The following TRHDE variants were observed in gnomAD, a reference collection of about 807,000 sequenced individuals.
TRHDE encodes the protein thyrotropin-releasing hormone-degrading ectoenzyme.
In TRHDE, 72 loss-of-function variants were observed where a neutral mutation model predicts 125.7. That is an observed-to-expected ratio of 0.57 (90% confidence interval 0.47 to 0.70). The LOEUF is 0.70. Ranked by LOEUF, TRHDE falls within the 30% of genes least tolerant of loss-of-function variation. The pLI is 0.00. For synonymous variants in TRHDE, 509 were observed against 509.1 expected (o/e 1.00, Z 0.00); for missense variants, 1,110 against 1,327.1 (o/e 0.84, Z 2.54).
At chr12:72,122,396 T>C (rs1468965461) in intron 2 of TRHDE, among the ~76,000 whole-genome samples, 3 of 152,148 alleles carry the variant, frequency 2.0e-5, no homozygotes, top group African/African-American at 7.2e-5. Context: ...TTTCTCCACA[T>C]AAGAATTTTA....
intron 2 of TRHDE, chr12:72,163,037 T>C (rs574183929): frequency 6.6e-6 from 1 of 152,264 alleles, no homozygotes; most frequent in South Asian, 2.1e-4. Flanking sequence ...GCTGTCATCT[T>C]TTGTAGCCTC....
chr12:72,335,889 A>T (rs560737530), intron 2 of TRHDE, among the ~76,000 whole-genome samples: 1 of 152,370 alleles, frequency 6.6e-6, no homozygotes, highest in East Asian at 1.9e-4. Context: ...CTGTTAAAGA[A>T]CATGAGGTTC....
At chr12:72,611,453 T>G (rs1872630263) in intron 12 of TRHDE, 1 of 152,124 alleles carries the variant, frequency 6.6e-6, no homozygotes, top group Admixed American at 6.5e-5. Flanking sequence ...CACCAGAGGG[T>G]GAATTCTGAA....
intron 2 of TRHDE, among the ~76,000 whole-genome samples, chr12:72,236,281 G>T (rs1878335738): frequency 6.6e-6 from 1 of 152,170 alleles, no homozygotes; most frequent in Non-Finnish European, 1.5e-5. Context: ...TTCAATTAAA[G>T]ATGTTATTCA....
chr12:72,266,843 T>A (rs1018283418), intron 2 of TRHDE, among the ~76,000 whole-genome samples: 1 of 152,062 alleles, frequency 6.6e-6, no homozygotes, highest in Non-Finnish European at 1.5e-5. Flanking sequence ...ATATTTAATC[T>A]TTTTCAGCTT....
At chr12:72,455,254 T>G (rs888736560) in intron 3 of TRHDE, among the ~76,000 whole-genome samples, 7 of 152,146 alleles carry the variant, frequency 4.6e-5, no homozygotes, top group African/African-American at 1.7e-4. Flanking sequence ...CTTTCTCCGG[T>G]ACTCTTTGCC....
intron 2 of TRHDE, among the ~76,000 whole-genome samples, chr12:72,179,057 A>G (rs932103975): frequency 6.6e-5 from 10 of 152,086 alleles, no homozygotes; most frequent in Non-Finnish European, 8.8e-5. Context: ...AATGTCACCT[A>G]TTGGAAATAT....
At chr12:72,260,163 G>A (rs573843447) in intron 2 of TRHDE, among the ~76,000 whole-genome samples, 8 of 152,180 alleles carry the variant, frequency 5.3e-5, no homozygotes, top group Middle Eastern at 3.4e-3. Context: ...TTGACATTAG[G>A]TGCTTCTTAC....
intron 2 of TRHDE, among the ~76,000 whole-genome samples, chr12:72,266,445 T>C (rs932626710): frequency 6.6e-6 from 1 of 151,872 alleles, no homozygotes; most frequent in Non-Finnish European, 1.5e-5. Context: ...AATTACTTAG[T>C]TCTCAGTCCA....
At chr12:72,098,773 G>T (rs1471861454) in intron 1 of TRHDE, among the ~76,000 whole-genome samples, 1 of 152,154 alleles carries the variant, frequency 6.6e-6, no homozygotes, top group Non-Finnish European at 1.5e-5. Flanking sequence ...AGGCCATCTT[G>T]CACCTCCCAG....
At chr12:72,179,878 G>A (rs191686514) in intron 2 of TRHDE, among the ~76,000 whole-genome samples, 19 of 152,104 alleles carry the variant, frequency 1.2e-4, no homozygotes, top group Admixed American at 5.9e-4. Flanking sequence ...ATATGATTGC[G>A]TCTACTTGTG....
intron 2 of TRHDE, among the ~76,000 whole-genome samples, chr12:72,194,943 T>G (rs1305752735): frequency 1.3e-5 from 2 of 152,092 alleles, no homozygotes; most frequent in Non-Finnish European, 2.9e-5. Context: ...AAGAAATACC[T>G]GAGACTGGGT....
At chr12:72,282,876 A>G (rs1879746766) in intron 1 of TRHDE, among the ~76,000 whole-genome samples, 1 of 152,140 alleles carries the variant, frequency 6.6e-6, no homozygotes, top group Non-Finnish European at 1.5e-5. Flanking sequence ...GTCCAGAGAC[A>G]TTTTTGCCCA....
intron 2 of TRHDE, among the ~76,000 whole-genome samples, chr12:72,191,243 G>A (rs996814265): frequency 5.3e-5 from 8 of 152,004 alleles, no homozygotes; most frequent in African/African-American, 1.9e-4. Context: ...ATTTGATTCT[G>A]GAACTGGGAG....
At chr12:72,655,877 A>G (rs1874690410) in intron 17 of TRHDE, among the ~76,000 whole-genome samples, 1 of 152,168 alleles carries the variant, frequency 6.6e-6, no homozygotes, top group African/African-American at 2.4e-5. Context: ...TTTCTGTGGA[A>G]TAGTTCAATG....
chr12:72,451,533 T>C (rs912393594), intron 3 of TRHDE, among the ~76,000 whole-genome samples: 2 of 152,174 alleles, frequency 1.3e-5, no homozygotes, highest in African/African-American at 2.4e-5. Flanking sequence ...TATGGCTTTA[T>C]AGTATGTTTT....
At chr12:72,309,667 A>C (rs571001740) in intron 2 of TRHDE, 3 of 140,596 alleles carry the variant, frequency 2.1e-5, no homozygotes, top group African/African-American at 7.4e-5. Flanking sequence ...AGAAGAAAAA[A>C]ATATAAAAGG....
intron 7 of TRHDE, among the ~76,000 whole-genome samples, chr12:72,550,470 G>A (rs1159305760): frequency 6.6e-6 from 1 of 151,786 alleles, no homozygotes; most frequent in East Asian, 1.9e-4. Flanking sequence ...GAAAGTGCAT[G>A]TAATAGCCTA....
chr12:72,337,165 T>C (rs1200393192), intron 2 of TRHDE, among the ~76,000 whole-genome samples: 2 of 152,038 alleles, frequency 1.3e-5, no homozygotes, highest in African/African-American at 4.8e-5. Flanking sequence ...GCTGCTTGAG[T>C]TTTAGAAAGG....
Sources: gnomAD v4.1 joint callset for allele counts (sites outside exome capture counted in the v4.1 genomes callset) on GRCh38, gnomAD v4.1.1 for gene constraint, MANE v1.5 for transcripts, NCBI Gene and HGNC (gene_info 2026-07-23, HGNC 2026-07-21) for gene names.